The following ZFHX3 variants were observed in gnomAD, a reference collection of about 807,000 sequenced individuals.
The protein encoded by ZFHX3 is zinc finger homeobox protein 3.
Under a neutral mutation model 279.1 loss-of-function variants are expected in ZFHX3, and 42 were observed. The observed-to-expected ratio is 0.15, with a 90% CI of 0.12 to 0.19. ZFHX3 has a LOEUF of 0.19. ZFHX3 is among the 10% of genes least tolerant of loss of function. The pLI is 1.00. For missense variants in ZFHX3, 4,981 were observed against 4,754.0 expected, an observed-to-expected ratio of 1.05 and a Z score of -1.40; for synonymous variants, 2,293 against 1,957.8, an observed-to-expected ratio of 1.17 and a Z score of -4.52.
intron 7 of ZFHX3, among the ~76,000 whole-genome samples, chr16:72,810,808 G>A (rs577141054): frequency 6.6e-6 from 1 of 152,126 alleles, no homozygotes; most frequent in African/African-American, 2.4e-5. Flanking sequence ...CTTACAAATG[G>A]CATCAAGTCA....
intron 1 of ZFHX3, among the ~76,000 whole-genome samples, chr16:73,702,272 G>C (rs1597073308): frequency 6.6e-6 from 1 of 152,086 alleles, no homozygotes; most frequent in South Asian, 2.1e-4. Flanking sequence ...GTCCTGAGCT[G>C]AAACGTAAGG....
intron 1 of ZFHX3, among the ~76,000 whole-genome samples, chr16:73,719,258 T>G (rs1354760082): frequency 6.6e-6 from 1 of 152,194 alleles, no homozygotes; most frequent in Non-Finnish European, 1.5e-5. Flanking sequence ...AATCTATGTT[T>G]TGGCAAAGTT....
intron 3 of ZFHX3, among the ~76,000 whole-genome samples, chr16:72,919,808 T>TTTTTTTTG: frequency 8.4e-6 from 1 of 119,436 alleles, no homozygotes; most frequent in South Asian, 2.8e-4. Context: ...TTTTTTTTTT[T>TTTTTTTTG]TGAGACAGAG....
chr16:73,382,440 G>A (rs1205639403), intron 3 of ZFHX3, among the ~76,000 whole-genome samples: 3 of 152,158 alleles, frequency 2.0e-5, no homozygotes, highest in Non-Finnish European at 4.4e-5. Context: ...ACAGAAAAAT[G>A]AACAAAGGGT....
intron 5 of ZFHX3, among the ~76,000 whole-genome samples, chr16:73,145,667 C>T (rs1486008010): frequency 1.3e-5 from 2 of 152,236 alleles, no homozygotes; most frequent in Non-Finnish European, 2.9e-5. Flanking sequence ...TCCATTCAGT[C>T]ATGGAGGTGG....
chr16:73,677,218 T>C (rs2052963827), intron 2 of ZFHX3, among the ~76,000 whole-genome samples: 2 of 59,442 alleles, frequency 3.4e-5, no homozygotes, highest in Admixed American at 2.2e-4. Context: ...TAAATAAAAC[T>C]GTAAATTAAT....
intron 1 of ZFHX3, among the ~76,000 whole-genome samples, chr16:73,764,057 C>T (rs1235100877): frequency 2.0e-5 from 3 of 152,156 alleles, no homozygotes; most frequent in Non-Finnish European, 4.4e-5. Context: ...CCCCAGACTC[C>T]TGACCTACAG....
rs751127627 is a variant in ZFHX3, at chr16:72,890,012, G to C, written c.3217-50C>G. 9 of 1,531,986 alleles carry C rather than the reference G, an allele frequency of 5.9e-6. No homozygotes were observed. In the East Asian group the frequency reaches 1.9e-4, roughly 32 times the overall value. 94.9% of individuals were successfully genotyped at this position (1,531,986 alleles called of 1,614,324 possible). A position where few individuals can be genotyped will look rare whatever the true frequency, so the allele number is the denominator to read the frequency against. On this transcript the variant is annotated intron_variant, in intron 3 of 9. Transcript: ENST00000268489. ...ATGCCTTGGGTAAGCCACTCGAAGC[G>C]GCCACTGGCATCAGCCCACACCATC...
chr16:73,531,980 T>A (rs1271174779), intron 2 of ZFHX3, among the ~76,000 whole-genome samples: 1 of 151,386 alleles, frequency 6.6e-6, no homozygotes, highest in Non-Finnish European at 1.5e-5. Context: ...CCCAGCTACT[T>A]GGAAGGCTGA....
chr16:73,819,962 A>G (rs1567421108), intron 1 of ZFHX3, among the ~76,000 whole-genome samples: 1 of 152,096 alleles, frequency 6.6e-6, no homozygotes, highest in Non-Finnish European at 1.5e-5. Context: ...CATCCCACCA[A>G]CTCTTCTGCA....
At chr16:73,455,754 G>A (rs1374055143) in intron 3 of ZFHX3, among the ~76,000 whole-genome samples, 1 of 145,236 alleles carries the variant, frequency 6.9e-6, no homozygotes, top group East Asian at 2.0e-4. Context: ...TAACTTCAAA[G>A]CTTTGTTTGT....
At chr16:73,794,354 G>A (rs778743089) in intron 1 of ZFHX3, 1 of 152,298 alleles carries the variant, frequency 6.6e-6, no homozygotes, top group South Asian at 2.1e-4. Context: ...GAAATTGGCA[G>A]GGACTCCAAG....
chr16:73,183,975 G>A (rs1457960205), intron 5 of ZFHX3, among the ~76,000 whole-genome samples: 1 of 152,060 alleles, frequency 6.6e-6, no homozygotes, highest in Non-Finnish European at 1.5e-5. Context: ...TAGAACTTTT[G>A]CCAGCGCATG....
At chr16:73,243,944 C>A (rs552798560) in intron 5 of ZFHX3, among the ~76,000 whole-genome samples, 1 of 152,150 alleles carries the variant, frequency 6.6e-6, no homozygotes, top group East Asian at 1.9e-4. Context: ...TAGAGAATGC[C>A]GGTAGAGAAC....
chr16:72,811,831 C>CA, intron 6 of ZFHX3, 54 bp from the exon 7 acceptor site: 3 of 1,598,144 alleles, frequency 1.9e-6, no homozygotes, highest in Non-Finnish European at 2.6e-6. Flanking sequence ...CAAGCCCGCC[C>CA]ACCCAAAAGT....
At chr16:73,006,792 T>C (rs1963719377) in intron 1 of ZFHX3, among the ~76,000 whole-genome samples, 1 of 152,188 alleles carries the variant, frequency 6.6e-6, no homozygotes, top group African/African-American at 2.4e-5. Flanking sequence ...AATCTGAGGA[T>C]AGTCAAGTCC....
At position 73,834,697 on chromosome 16, in the gene ZFHX3, C is replaced by G. The variant is rs559540263; in HGVS notation, c.-1608+56954G>C. ...CATGAGGTCAAGAGATCAAGACCAT[C>G]CTGGCCAACATGGTGAAACCCTGTC... On this transcript the variant is annotated intron_variant, in intron 1 of 17. Transcript: ENST00000641206. 2.4e-4 allele frequency among the ~76,000 whole-genome samples: 37 copies of G among 152,240 alleles called. No individual in the cohort carries two copies. The South Asian group carries it at 7.1e-3, about 29-fold the overall frequency.
chr16:73,661,379 G>A (rs989523505), intron 2 of ZFHX3, among the ~76,000 whole-genome samples: 1 of 152,196 alleles, frequency 6.6e-6, no homozygotes, highest in Non-Finnish European at 1.5e-5. Flanking sequence ...CATGAAAGGA[G>A]TTCAACAGTT....
At chr16:72,869,491 T>TC (rs2038102604) in intron 4 of ZFHX3, among the ~76,000 whole-genome samples, 1 of 152,196 alleles carries the variant, frequency 6.6e-6, no homozygotes, top group Admixed American at 6.5e-5. Flanking sequence ...TAACACATGA[T>TC]CTTCCTTCTT....
Sources: gnomAD v4.1 joint callset for allele counts (sites outside exome capture counted in the v4.1 genomes callset) on GRCh38, gnomAD v4.1.1 for gene constraint, MANE v1.5 for transcripts, NCBI Gene and HGNC (gene_info 2026-07-23, HGNC 2026-07-21) for gene names.